SPEG: variants seen among roughly 807,000 people sequenced by gnomAD.
SPEG encodes striated muscle enriched protein kinase, also known as striated muscle preferentially expressed protein kinase.
A neutral mutation model predicts 300.4 loss-of-function variants in SPEG; 114 were observed. The ratio of observed to expected loss-of-function variants is 0.38; its 90% CI spans 0.33 to 0.44. SPEG has a LOEUF of 0.44. Ranked by LOEUF, SPEG falls within the 20% of genes least tolerant of loss-of-function variation. The pLI is 1.00. For synonymous variants in SPEG, 1,964 were observed against 2,018.9 expected, an observed-to-expected ratio of 0.97 and a Z score of 0.73; for missense variants, 4,201 against 4,586.2, an observed-to-expected ratio of 0.92 and a Z score of 2.43.
Position 219,480,688 on chromosome 2 carries a change from C to T in SPEG, c.5360C>T (p.Ala1787Val). The T allele has an allele frequency of 1.2e-6, 2 of 1,613,974 alleles. No homozygotes were observed. Among genetic ancestry groups the T allele is most frequent in the East Asian group, 2.2e-5 (1 of 44,876 alleles). Residue 1787 changes from alanine (A) to valine (V), a missense_variant, in exon 26 of 41, where the codon GCC becomes GTC. Transcript: ENST00000312358. This position sits in a 1 kb window ranked among gnomAD's most constrained non-coding sequence, Gnocchi z 5.3. Reference sequence around the variant, plus strand: ...TCCCACAGGCCTGTGGGTGTTGTTGCCTTCCTCTGGTAAGGACCCCTCTGC... The same window carrying T: ...TCCCACAGGCCTGTGGGTGTTGTTGTCTTCCTCTGGTAAGGACCCCTCTGC... ...VTDIWPVGVV[A>V]FLCLTGISPF...
Position 219,490,475 on chromosome 2 carries a change from C to T in SPEG, c.8988C>T (p.Ile2996=), listed in dbSNP as rs531540660. 6.8e-6 allele frequency: 11 copies of T among 1,613,368 alleles called. No homozygotes were observed. The highest frequency in any genetic ancestry group is 1.3e-5 in the African/African-American group (1 of 74,946). ...CGGGGCGAACGTTCGTGGCCAAGAT[C>T]GTGCCCTATGCTGCCGAGGGCAAGC... ...NATGRTFVAK[I]VPYAAEGKRR... Residue 2996 remains isoleucine, a synonymous_variant, in exon 37 of 41, where the codon ATC becomes ATT. Transcript: ENST00000312358.
rs1458996182 is a variant in SPEG at position 219,465,874 on chromosome 2, TGCGTGCGTGTGC to T, written c.2881+1267_2881+1278del. 4.8e-6 allele frequency: 3 copies of T among 625,838 alleles called. No homozygotes were observed. In the African/African-American group the frequency reaches 5.4e-5, roughly 11 times the overall value. The allele number at this position is 625,838 out of a possible 1,614,324, so 38.8% of individuals were successfully genotyped here. ...ATGTGTGTGCATGTGTGTGCGTGTG[TGCGTGCGTGTGC>T]ATGTGTGCGTATGGGTGTGTGCATG... On this transcript the variant is annotated intron_variant, in intron 9 of 40. Transcript: ENST00000312358.
intron 39 of SPEG, 22 bp downstream of exon 39, chr2:219,491,891 G>T: frequency 5.7e-6 from 9 of 1,570,458 alleles, no homozygotes; most frequent in Non-Finnish European, 7.8e-6. Context: ...CTACCCCACC[G>T]CAGCCCTCTC....
intron 13 of SPEG, 28 bp from the exon 14 acceptor site, chr2:219,471,840 C>G (rs766867474): frequency 6.2e-7 from 1 of 1,613,316 alleles, no homozygotes; most frequent in South Asian, 1.1e-5. Context: ...CGGGCTCAGG[C>G]CCAGTGTCAC....
At chr2:219,490,288 C>A in intron 36 of SPEG, 121 bp from the exon 37 acceptor site, 2 of 1,375,380 alleles carry the variant, frequency 1.5e-6, no homozygotes, top group Non-Finnish European at 2.0e-6. Context: ...ACTCTGGAGC[C>A]CACACTGGAA....
At position 219,461,982 on chromosome 2, in the gene SPEG, C is replaced by T. The variant is rs2125401753; in HGVS notation, c.2541C>T (p.Thr847=). Reference sequence around the variant, plus strand: ...AGCCTGGGGAGACCTGGCCGCGAACCCCCACCATGAAGCCCAGTCCCAGCC... The same window carrying T: ...AGCCTGGGGAGACCTGGCCGCGAACTCCCACCATGAAGCCCAGTCCCAGCC... ...FPEPGETWPR[T]PTMKPSPSQN... The change falls in exon 7 of 41, where the codon ACC becomes ACT. Residue 847 remains threonine, a synonymous_variant. Coordinates refer to ENST00000312358, the MANE Select transcript of SPEG (RefSeq NM_005876.5). 2 of 1,613,602 alleles carry T rather than the reference C, an allele frequency of 1.2e-6. No individual in the cohort carries two copies. Among genetic ancestry groups the T allele is most frequent in the South Asian group, 1.1e-5 (1 of 91,050 alleles).
intron 29 of SPEG, 67 bp downstream of exon 29, chr2:219,482,919 C>G: frequency 6.6e-7 from 1 of 1,518,116 alleles, no homozygotes; most frequent in Non-Finnish European, 9.1e-7. Flanking sequence ...CCTTCCCCCT[C>G]CCGTGGGCCT....
Position 219,435,146 on chromosome 2 carries a change from G to A in SPEG, c.169G>A (p.Gly57Ser). 1 of 1,462,610 alleles carries A rather than the reference G, an allele frequency of 6.8e-7. No individual in the cohort carries two copies. Among genetic ancestry groups the A allele is most frequent in the Non-Finnish European group, 8.9e-7 (1 of 1,117,554 alleles). 90.6% of individuals were successfully genotyped at this position (1,462,610 alleles called of 1,614,324 possible). Residue 57 changes from glycine to serine, a missense_variant, in exon 1 of 41, where the codon GGC (glycine) becomes AGC (serine). This residue lies in a region of SPEG where 1,258 missense variants were observed against 1,293.9 expected (regional missense o/e 0.97). Transcript: ENST00000312358. ...CCTGAAGAACGCGGCGGTGTGCGCG[G>A]GCAGCGACGTGCGGCTGCGGGTGGT... ...RPLKNAAVCA[G>S]SDVRLRVVVS...
In SPEG at chr2:219,444,681, C is replaced by A; in HGVS notation, c.417C>A (p.Ser139Arg). Residue 139 changes from serine to arginine, a missense_variant, in exon 2 of 41, where the codon AGC (serine) becomes AGA (arginine). Ser to Arg is a moderately radical substitution (Grantham distance 110). Transcript: ENST00000312358. This position sits in a 1 kb window ranked among gnomAD's most constrained non-coding sequence, Gnocchi z 7.8. ...CAGAGACGGCTGAGGATGACATCAGCGATGTGCAGGGAACCCAGCGCCTGG... is the reference window on the plus strand; with the variant it reads ...CAGAGACGGCTGAGGATGACATCAGAGATGTGCAGGGAACCCAGCGCCTGG... The part of the protein sequence containing the change: ...GDSETAEDDI[S>R]DVQGTQRLEL... 6.2e-7 allele frequency: 1 copy of A among 1,614,018 alleles called. No homozygotes were observed. Among genetic ancestry groups the A allele is most frequent in the Non-Finnish European group, 8.5e-7 (1 of 1,179,936 alleles).
intron 1 of SPEG, among the ~76,000 whole-genome samples, chr2:219,442,462 C>T (rs1238681252): frequency 4.0e-5 from 6 of 150,568 alleles, no homozygotes; most frequent in Admixed American, 3.9e-4. Context: ...CCCCAGCCCC[C>T]CACTCTGAAG....
In SPEG at chr2:219,483,494, C is replaced by G; in HGVS notation, c.6031C>G (p.Arg2011Gly). The G allele has an allele frequency of 1.5e-5, 22 of 1,434,644 alleles. No individual in the cohort carries two copies. The highest frequency in any genetic ancestry group is 2.0e-5 in the Non-Finnish European group (22 of 1,105,096). The allele number at this position is 1,434,644 out of a possible 1,614,324, so 88.9% of individuals were successfully genotyped here. ...AGASPRRGEL[R>G]RGSSAESALP... Reference sequence around the variant, plus strand: ...GGCTAGCCCCAGGCGGGGAGAGCTCCGCAGGGGCAGCTCGGCTGAGAGCGC... The same window carrying G: ...GGCTAGCCCCAGGCGGGGAGAGCTCGGCAGGGGCAGCTCGGCTGAGAGCGC... The change falls in exon 30 of 41, where the codon CGC becomes GGC. Residue 2011 changes from arginine to glycine, a missense_variant. Arg to Gly is a moderately radical substitution (Grantham distance 125). Coordinates refer to ENST00000312358, the MANE Select transcript of SPEG (RefSeq NM_005876.5).
Position 219,485,433 on chromosome 2 carries a change from G to A in SPEG, c.7697G>A (p.Ser2566Asn), listed in dbSNP as rs773361262. The A allele has an allele frequency of 1.9e-6, 3 of 1,605,082 alleles. No homozygotes were observed. In the South Asian group the frequency reaches 3.3e-5, roughly 18 times the overall value. Reference sequence around the variant, plus strand: ...TTATCGCCACCAAACCTCTCTGCCAGCGTCCAGGAGGAGTTGGGTCACCAG... The same window carrying A: ...TTATCGCCACCAAACCTCTCTGCCAACGTCCAGGAGGAGTTGGGTCACCAG... ...KGLSPPNLSA[S>N]VQEELGHQYV... Residue 2566 changes from serine (S) to asparagine (N), a missense_variant, in exon 31 of 41, where the codon AGC (serine) becomes AAC (asparagine). This residue lies in a region of SPEG where 1,578 missense variants were observed against 1,506.0 expected (regional missense o/e 1.05). Transcript: ENST00000312358.
At chr2:219,438,873 G>A (rs1954785501) in intron 1 of SPEG, among the ~76,000 whole-genome samples, 1 of 152,240 alleles carries the variant, frequency 6.6e-6, no homozygotes, top group Non-Finnish European at 1.5e-5. Context: ...CTTAGGCAAG[G>A]AAAGGGTAGA....
chr2:219,471,755 C>T (rs374790528), intron 13 of SPEG, 113 bp from the exon 14 acceptor site: 30 of 1,347,496 alleles, frequency 2.2e-5, no homozygotes, highest in South Asian at 2.7e-5. Flanking sequence ...CTTGCCCACT[C>T]GCCTCCTCCC....
Position 219,444,634 on chromosome 2 carries a change from C to G in SPEG, c.389-19C>G. ...CAGAGGGAGGAGGGCCCTGCCCACA[C>G]AGACCCCTTCTTCTCCAGACTCAGA... On this transcript the variant is annotated intron_variant, in intron 1 of 40. Coordinates refer to ENST00000312358, the MANE Select transcript of SPEG (RefSeq NM_005876.5). This position sits in a 1 kb window ranked among gnomAD's most constrained non-coding sequence, Gnocchi z 7.8. 1 of 1,610,758 alleles carries G rather than the reference C, an allele frequency of 6.2e-7. No homozygotes were observed. Among genetic ancestry groups the G allele is most frequent in the Non-Finnish European group, 8.5e-7 (1 of 1,177,026 alleles).
chr2:219,485,011 C>A lies in SPEG; in HGVS notation c.7548C>A (p.Gly2516=). The stretch of plus-strand genomic sequence containing the variant: ...ACAACCAGTTGGCCGCCCAGGCCGG[C>A]GCCACCACGCCTTCCGCCGAGTCCC... The part of the protein sequence containing the change: ...LPHNQLAAQA[G]ATTPSAESLG... The change falls in exon 30 of 41, where the codon GGC becomes GGA. Residue 2516 remains glycine (G), a synonymous_variant. Coordinates refer to ENST00000312358, the MANE Select transcript of SPEG (RefSeq NM_005876.5). 1 of 1,531,480 alleles carries A rather than the reference C, an allele frequency of 6.5e-7. No individual in the cohort carries two copies. The highest frequency in any genetic ancestry group is 8.7e-7 in the Non-Finnish European group (1 of 1,145,450). The allele number at this position is 1,531,480 out of a possible 1,614,324, so 94.9% of individuals were successfully genotyped here.
At chr2:219,450,689 C>T (rs1016682064) in intron 4 of SPEG, 1 of 153,160 alleles carries the variant, frequency 6.5e-6, no homozygotes, top group Non-Finnish European at 1.5e-5. Flanking sequence ...GACAATTCAC[C>T]TCGTGTTGCT....
At position 219,464,356 on chromosome 2, in the gene SPEG, C is replaced by G. The variant is rs1445962519; in HGVS notation, c.2706-77C>G. The G allele has an allele frequency of 6.9e-7, 1 of 1,440,854 alleles. No homozygotes were observed. Among genetic ancestry groups the G allele is most frequent in the East Asian group, 2.3e-5 (1 of 43,922 alleles). 89.3% of individuals were successfully genotyped at this position (1,440,854 alleles called of 1,614,324 possible). ...CTGCACAGGGAAGGAGAGGCCTGCA[C>G]AGTGCTGCAGCCCCAGTTCCTGTGC... is the stretch of plus-strand genomic sequence containing the variant. On this transcript the variant is annotated intron_variant, in intron 8 of 40. Transcript: ENST00000312358. The surrounding 1 kb of genome is among the most constrained non-coding windows in gnomAD (Gnocchi z 4.5).
intron 1 of SPEG, among the ~76,000 whole-genome samples, chr2:219,437,512 G>A (rs1320214209): frequency 5.9e-5 from 9 of 152,150 alleles, no homozygotes; most frequent in African/African-American, 2.2e-4. Context: ...AAGGGCCCTG[G>A]GTGTTGTGGG....
Sources: allele counts gnomAD v4.1 joint callset (sites outside exome capture counted in the v4.1 genomes callset), GRCh38; gene constraint gnomAD v4.1.1; regional missense constraint gnomAD v4.1.1; non-coding constraint Gnocchi (gnomAD v3.1); transcripts MANE v1.5; gene names NCBI Gene and HGNC (gene_info 2026-07-23, HGNC 2026-07-21).